ACTR3: variants seen among roughly 807,000 people sequenced by gnomAD.
The protein encoded by ACTR3 is actin related protein 3.
ACTR3 carries 12 observed loss-of-function variants against 56.8 expected under a neutral mutation model. The observed-to-expected ratio is 0.21, with a 90% confidence interval of 0.14 to 0.34. ACTR3 has a LOEUF of 0.34. ACTR3 is among the 10% of genes least tolerant of loss of function. ACTR3 has a pLI of 1.00. For missense variants in ACTR3, 282 were observed against 512.5 expected, an observed-to-expected ratio of 0.55 and a Z score of 4.34; for synonymous variants, 162 against 167.4, an observed-to-expected ratio of 0.97 and a Z score of 0.25.
intron 1 of ACTR3, among the ~76,000 whole-genome samples, chr2:113,899,482 T>A (rs1679062628): frequency 6.6e-6 from 1 of 152,208 alleles, no homozygotes; most frequent in Non-Finnish European, 1.5e-5. Context: ...ATTTTATACT[T>A]GAGGTTTACA....
At chr2:113,935,184 A>T (rs1414701294) in intron 6 of ACTR3, among the ~76,000 whole-genome samples, 2 of 152,196 alleles carry the variant, frequency 1.3e-5, no homozygotes, top group Non-Finnish European at 2.9e-5. Flanking sequence ...TTTAGTAATA[A>T]CTGCCATTGT....
rs568117546 is a variant in ACTR3 at position 113,919,138 on chromosome 2, TAAC to T, written c.225+2133_225+2135del. On this transcript the variant is annotated intron_variant, in intron 3 of 11. Transcript: ENST00000263238. ...AGTAAATTGTACATACTATTTCACTTAACAAATACTTAACTCTTAAATATGAAG... is the reference window on the plus strand; with the variant it reads ...AGTAAATTGTACATACTATTTCACTTAAATACTTAACTCTTAAATATGAAG... 1.8e-3 allele frequency among the ~76,000 whole-genome samples: 270 copies of T among 152,360 alleles called. 1 individual carries two copies. The highest frequency in any genetic ancestry group is 6.2e-3 in the African/African-American group (257 of 41,584).
At chr2:113,895,148 C>T (rs1219756258) in intron 1 of ACTR3, among the ~76,000 whole-genome samples, 1 of 138,818 alleles carries the variant, frequency 7.2e-6, no homozygotes, top group Non-Finnish European at 1.5e-5. Flanking sequence ...AAAAATTACT[C>T]TCTAGGTTGT....
At chr2:113,900,697 A>T (rs887626274) in intron 1 of ACTR3, among the ~76,000 whole-genome samples, 4 of 152,212 alleles carry the variant, frequency 2.6e-5, no homozygotes, top group Non-Finnish European at 5.9e-5. Context: ...ATCACAGGCT[A>T]GTAAATGGTG....
intron 5 of ACTR3, among the ~76,000 whole-genome samples, chr2:113,932,613 T>C (rs1004704644): frequency 3.3e-5 from 5 of 152,210 alleles, no homozygotes; most frequent in Non-Finnish European, 7.4e-5. Flanking sequence ...TGTAACATGA[T>C]GTGCTGATAC....
chr2:113,939,007 GTC>G (rs1373808872), intron 6 of ACTR3, among the ~76,000 whole-genome samples: 1 of 151,794 alleles, frequency 6.6e-6, no homozygotes, highest in Admixed American at 6.6e-5. Context: ...ATTGTCAAAT[GTC>G]TGAAAACCTT....
At chr2:113,897,613 G>A (rs115469404) in intron 1 of ACTR3, among the ~76,000 whole-genome samples, 1,929 of 144,090 alleles carry the variant, frequency 0.013, 41 homozygotes, top group African/African-American at 0.046. Context: ...TGAAACCTCC[G>A]TCTCCAGGGT....
chr2:113,903,617 C>T (rs1275059490), intron 1 of ACTR3, among the ~76,000 whole-genome samples: 1 of 150,588 alleles, frequency 6.6e-6, no homozygotes, highest in African/African-American at 2.4e-5. Flanking sequence ...CTCACTGAAA[C>T]CTCTGCCTCC....
intron 8 of ACTR3, among the ~76,000 whole-genome samples, chr2:113,949,234 C>T (rs1008740794): frequency 4.7e-5 from 7 of 150,514 alleles, no homozygotes; most frequent in East Asian, 2.0e-4. Context: ...AAAAATTAGC[C>T]GGGCGTGGTG....
Position 113,927,392 on chromosome 2 carries a change from G to A in ACTR3, c.273G>A (p.Arg91=), listed in dbSNP as rs781226277. Residue 91 remains arginine (R), a synonymous_variant, in exon 4 of 12, where the codon AGG becomes AGA. Coordinates refer to ENST00000263238, the MANE Select transcript of ACTR3 (RefSeq NM_005721.5). The part of the protein sequence containing the change: ...GIVEDWDLME[R]FMEQVIFKYL... ...TTGAAGATTGGGACTTAATGGAAAG[G>A]TTTATGGAGCAAGTGATCTTTAAAT... 1.9e-6 allele frequency: 3 copies of A among 1,596,492 alleles called. No individual in the cohort carries two copies. Among genetic ancestry groups the A allele is most frequent in the African/African-American group, 2.7e-5 (2 of 74,686 alleles).
intron 1 of ACTR3, among the ~76,000 whole-genome samples, chr2:113,902,435 T>C (rs998909186): frequency 6.6e-6 from 1 of 151,994 alleles, no homozygotes; most frequent in African/African-American, 2.4e-5. Flanking sequence ...AAACCTCAGC[T>C]ACAGGATTTT....
In ACTR3 at chr2:113,958,221, G is replaced by T. The variant is rs1680258450; in HGVS notation, c.*766G>T. The T allele has an allele frequency of 1.3e-5, 2 of 152,528 alleles. No individual in the cohort carries two copies. The highest frequency in any genetic ancestry group is 2.9e-5 in the Non-Finnish European group (2 of 67,982). The allele number at this position is 152,528 out of a possible 1,614,324, so 9.4% of individuals were successfully genotyped here. ...ATTTATCAAAATTGGCATATTTAAA[G>T]CCTAACATTCTAATAAAGGCACAAA... is the stretch of plus-strand genomic sequence containing the variant. On this transcript the variant is annotated 3_prime_UTR_variant, in exon 12 of 12. Transcript: ENST00000263238.
At chr2:113,953,714 A>G (rs1680161445) in intron 10 of ACTR3, 1 of 152,210 alleles carries the variant, frequency 6.6e-6, no homozygotes, top group African/African-American at 2.4e-5. Flanking sequence ...TAAATTGTAG[A>G]TATGATGGTT....
chr2:113,903,861 CT>C (rs35970139), intron 1 of ACTR3, among the ~76,000 whole-genome samples: 199 of 140,182 alleles, frequency 1.4e-3, no homozygotes, highest in Middle Eastern at 3.9e-3. Flanking sequence ...AAGTGTGTCA[CT>C]TTTTTTTTTT....
At position 113,917,099 on chromosome 2, in the gene ACTR3, A is replaced by G. The variant is rs78199290; in HGVS notation, c.225+91A>G. 7.0e-3 allele frequency: 7,486 copies of G among 1,063,012 alleles called. 402 individuals carry two copies. The African/African-American group carries it at 0.11, about 15-fold the overall frequency. 65.8% of individuals were successfully genotyped at this position (1,063,012 alleles called of 1,614,324 possible). ...TGGAATTCACTCTATAATAGACCTT[A>G]TTAATATCCTCAAACCTCTTCTCAG... On this transcript the variant is annotated intron_variant, in intron 3 of 11. Coordinates refer to ENST00000263238, the MANE Select transcript of ACTR3 (RefSeq NM_005721.5).
At chr2:113,949,390 A>AAG (rs1205965839) in intron 8 of ACTR3, among the ~76,000 whole-genome samples, 1 of 135,874 alleles carries the variant, frequency 7.4e-6, no homozygotes, top group African/African-American at 3.5e-5. Flanking sequence ...AAAAAAAAAA[A>AAG]AAAGAAAAAA....
Position 113,890,329 on chromosome 2 carries a change from G to T in ACTR3, c.44+6G>T. The T allele has an allele frequency of 6.5e-7, 1 of 1,532,128 alleles. No individual in the cohort carries two copies. The highest frequency in any genetic ancestry group is 8.8e-7 in the Non-Finnish European group (1 of 1,134,538). 94.9% of individuals were successfully genotyped at this position (1,532,128 alleles called of 1,614,324 possible). ...GTGGTGGACTGTGGCACGGGGTAAG[G>T]GGGCTTACGGGCGGGGGTGGGGAAA... On this transcript the variant is annotated splice_donor_region_variant and intron_variant, in intron 1 of 11. Coordinates refer to ENST00000263238, the MANE Select transcript of ACTR3 (RefSeq NM_005721.5).
At chr2:113,898,020 A>G (rs544513171) in intron 1 of ACTR3, among the ~76,000 whole-genome samples, 64 of 152,256 alleles carry the variant, frequency 4.2e-4, no homozygotes, top group Admixed American at 1.8e-3. Context: ...AGAGGTTACA[A>G]TGAGGAGGAT....
At chr2:113,948,554 C>T (rs1243778891) in intron 8 of ACTR3, among the ~76,000 whole-genome samples, 1 of 152,126 alleles carries the variant, frequency 6.6e-6, no homozygotes, top group Non-Finnish European at 1.5e-5. Flanking sequence ...CCCTTTTCAT[C>T]TCATTTGTTA....
Sources: allele counts gnomAD v4.1 joint callset (sites outside exome capture counted in the v4.1 genomes callset), GRCh38; gene constraint gnomAD v4.1.1; transcripts MANE v1.5; gene names NCBI Gene and HGNC (gene_info 2026-07-23, HGNC 2026-07-21).